TAFA4: variants seen among roughly 807,000 people sequenced by gnomAD.
TAFA4 encodes TAFA chemokine like family member 4.
A neutral mutation model predicts 21.1 loss-of-function variants in TAFA4; 20 were observed. That is an observed-to-expected ratio of 0.95 (90% CI 0.67 to 1.38). The LOEUF is 1.38. TAFA4 is among the 40% of genes most tolerant of loss of function. The pLI is 0.00. For synonymous variants in TAFA4, 71 were observed against 67.4 expected (o/e 1.05, Z -0.26); for missense variants, 211 against 180.9 (o/e 1.17, Z -0.95).
intron 3 of TAFA4, among the ~76,000 whole-genome samples, chr3:68,833,149 CT>C (rs1704440491): frequency 6.6e-6 from 1 of 152,210 alleles, no homozygotes; most frequent in Admixed American, 6.5e-5. Flanking sequence ...TCCCCCAACC[CT>C]TTGCACCTGG....
intron 3 of TAFA4, among the ~76,000 whole-genome samples, chr3:68,760,964 C>T (rs1702746218): frequency 6.6e-6 from 1 of 152,190 alleles, no homozygotes; most frequent in African/African-American, 2.4e-5. Context: ...AGAGAGACCC[C>T]TGTGGTCTCA....
At chr3:68,799,643 A>G (rs1703530683) in intron 3 of TAFA4, among the ~76,000 whole-genome samples, 1 of 152,200 alleles carries the variant, frequency 6.6e-6, no homozygotes, top group Non-Finnish European at 1.5e-5. Flanking sequence ...AGGATCAGTC[A>G]GGAAGAAGGC....
At chr3:68,822,726 C>A (rs975767477) in intron 3 of TAFA4, among the ~76,000 whole-genome samples, 3 of 152,210 alleles carry the variant, frequency 2.0e-5, no homozygotes, top group Non-Finnish European at 4.4e-5. Flanking sequence ...CCCGCCTCAG[C>A]CTCCCAAAGT....
chr3:68,829,462 A>G lies in TAFA4; in HGVS notation c.130+51268T>C, dbSNP rs144278858. ...TTGAAATAATCATGTGGTTTTTGTCATCGGTTCTGTTTATGTGATGGATTA... is the reference window on the plus strand; with the variant it reads ...TTGAAATAATCATGTGGTTTTTGTCGTCGGTTCTGTTTATGTGATGGATTA... On this transcript the variant is annotated intron_variant, in intron 3 of 5. Transcript: ENST00000295569. 8.5e-3 allele frequency among the ~76,000 whole-genome samples: 1,298 copies of G among 152,248 alleles called. 16 individuals are homozygous for G. Among genetic ancestry groups the G allele is most frequent in the African/African-American group, 0.03 (1,249 of 41,546 alleles).
intron 1 of TAFA4, among the ~76,000 whole-genome samples, chr3:68,927,114 G>A (rs2090115331): frequency 6.6e-6 from 1 of 152,006 alleles, no homozygotes; most frequent in South Asian, 2.1e-4. Context: ...CCCCCCATTG[G>A]AGCAATTTTA....
chr3:68,885,380 C>G lies in TAFA4; in HGVS notation c.-122-70G>C, dbSNP rs901038434. The G allele has an allele frequency of 5.2e-6, 3 of 574,298 alleles. No homozygotes were observed. The African/African-American group carries it at 5.7e-5, about 11-fold the overall frequency. 35.6% of individuals were successfully genotyped at this position (574,298 alleles called of 1,614,324 possible). On this transcript the variant is annotated intron_variant, in intron 1 of 5. Transcript: ENST00000295569. ...TTAATGTTAAAATGAAACTAATTTC[C>G]AGTAGCAAAATAATGGTTTTTAACC... is the stretch of plus-strand genomic sequence containing the variant.
At chr3:68,868,013 T>A (rs773780486) in intron 3 of TAFA4, among the ~76,000 whole-genome samples, 57 of 152,026 alleles carry the variant, frequency 3.7e-4, no homozygotes, top group Non-Finnish European at 7.4e-4. Flanking sequence ...CAACCTTGAA[T>A]GTAAATTGAC....
rs138860344 is a variant in TAFA4 at position 68,823,343 on chromosome 3, T to C, written c.130+57387A>G. Among the ~76,000 whole-genome samples the C allele has an allele frequency of 5.6e-3, 858 of 152,308 alleles. 10 individuals carry two copies. The highest frequency in any genetic ancestry group is 0.019 in the African/African-American group (798 of 41,552). On this transcript the variant is annotated intron_variant, in intron 3 of 5. Coordinates refer to ENST00000295569, the MANE Select transcript of TAFA4 (RefSeq NM_182522.5). ...TGTCATCAAAAGAAATCGAATACAT[T>C]CTTCATCTCACATCTCAGTTATTGC...
chr3:68,823,499 A>G (rs1704158450), intron 3 of TAFA4, among the ~76,000 whole-genome samples: 2 of 152,144 alleles, frequency 1.3e-5, no homozygotes. Flanking sequence ...GGTTTGTTAC[A>G]TAGGTAAACA....
At chr3:68,746,209 T>C (rs1197521340) in intron 4 of TAFA4, among the ~76,000 whole-genome samples, 1 of 152,142 alleles carries the variant, frequency 6.6e-6, no homozygotes, top group East Asian at 1.9e-4. Context: ...TTCCCTACTT[T>C]TGAGGTTTTG....
intron 4 of TAFA4, among the ~76,000 whole-genome samples, chr3:68,739,435 C>G (rs1702307755): frequency 1.3e-5 from 2 of 152,188 alleles, no homozygotes; most frequent in African/African-American, 4.8e-5. Flanking sequence ...TGCTTATACA[C>G]TGTTGCTGTG....
chr3:68,756,544 A>G (rs1415945490), intron 3 of TAFA4, among the ~76,000 whole-genome samples: 2 of 152,208 alleles, frequency 1.3e-5, no homozygotes, highest in African/African-American at 4.8e-5. Flanking sequence ...TTTCCAAACA[A>G]TAACCTCGAT....
intron 3 of TAFA4, among the ~76,000 whole-genome samples, chr3:68,850,304 A>G (rs62256067): frequency 0.34 from 51,602 of 152,100 alleles, 9,083 homozygotes; most frequent in Non-Finnish European, 0.38. Context: ...CACAATGTAC[A>G]CACCACTGTT....
chr3:68,782,002 C>T (rs1703162509), intron 3 of TAFA4, among the ~76,000 whole-genome samples: 3 of 152,042 alleles, frequency 2.0e-5, no homozygotes, highest in East Asian at 1.9e-4. Context: ...AATAAGTAAA[C>T]TGAACTTCAT....
chr3:68,776,349 T>C (rs1354889511), intron 3 of TAFA4, among the ~76,000 whole-genome samples: 2 of 152,048 alleles, frequency 1.3e-5, no homozygotes, highest in East Asian at 1.9e-4. Context: ...AAAGTAAGCA[T>C]AAAATGGCTG....
intron 3 of TAFA4, among the ~76,000 whole-genome samples, chr3:68,800,604 G>C (rs1321130291): frequency 6.6e-6 from 1 of 152,168 alleles, no homozygotes; most frequent in Non-Finnish European, 1.5e-5. Flanking sequence ...CCAACTTAGA[G>C]AGTGTGAGTT....
At chr3:68,876,618 C>G (rs1267159490) in intron 3 of TAFA4, among the ~76,000 whole-genome samples, 3 of 152,078 alleles carry the variant, frequency 2.0e-5, no homozygotes, top group Non-Finnish European at 4.4e-5. Flanking sequence ...GGACAGAAAA[C>G]ATGGGATCAA....
intron 3 of TAFA4, among the ~76,000 whole-genome samples, chr3:68,754,003 T>G (rs899352627): frequency 6.6e-6 from 1 of 152,224 alleles, no homozygotes; most frequent in Non-Finnish European, 1.5e-5. Flanking sequence ...TAGTTGGCAA[T>G]TGCTGTTGTA....
chr3:68,738,412 T>C (rs1359606470), intron 5 of TAFA4, among the ~76,000 whole-genome samples: 1 of 152,208 alleles, frequency 6.6e-6, no homozygotes, highest in Non-Finnish European at 1.5e-5. Context: ...GTAGTCACTG[T>C]GTAGGGACCA....
Sources: gnomAD v4.1 joint callset for allele counts (sites outside exome capture counted in the v4.1 genomes callset) on GRCh38, gnomAD v4.1.1 for gene constraint, MANE v1.5 for transcripts, NCBI Gene and HGNC (gene_info 2026-07-23, HGNC 2026-07-21) for gene names.